The following CYP2J2 variants were observed in gnomAD, a reference collection of about 807,000 sequenced individuals.
CYP2J2 encodes cytochrome P450 family 2 subfamily J member 2.
Under a neutral mutation model 48.8 loss-of-function variants are expected in CYP2J2, and 41 were observed. That is an observed-to-expected ratio of 0.84 (90% CI 0.66 to 1.09). CYP2J2 has a LOEUF of 1.09. CYP2J2 is among the 50% of genes least tolerant of loss of function. CYP2J2 has a pLI of 0.00. For missense variants in CYP2J2, 644 were observed against 617.3 expected (o/e 1.04, Z -0.46); for synonymous variants, 221 against 227.1 (o/e 0.97, Z 0.24).
At chr1:59,903,943 G>T (rs982343399) in intron 7 of CYP2J2, among the ~76,000 whole-genome samples, 23 of 152,176 alleles carry the variant, frequency 1.5e-4, no homozygotes, top group African/African-American at 5.3e-4. Context: ...CTTACTCTGA[G>T]AATTGAATAA....
chr1:59,926,124 T>C (rs1644561531), intron 1 of CYP2J2, among the ~76,000 whole-genome samples: 2 of 152,134 alleles, frequency 1.3e-5, no homozygotes, highest in Admixed American at 1.3e-4. Context: ...AGGGCTCAGT[T>C]AGTGTAGTGG....
chr1:59,927,558 G>A (rs886691568), upstream of CYP2J2, among the ~76,000 whole-genome samples: 1 of 152,074 alleles, frequency 6.6e-6, no homozygotes, highest in Non-Finnish European at 1.5e-5. Flanking sequence ...ACTCAACATA[G>A]AGTCACATAT....
chr1:59,930,860 A>C (rs1472012737), upstream of CYP2J2, among the ~76,000 whole-genome samples: 1 of 152,188 alleles, frequency 6.6e-6, no homozygotes, highest in African/African-American at 2.4e-5. Flanking sequence ...GACCCTAGGC[A>C]GTAATTAGAC....
At chr1:59,903,082 G>A (rs1644334803) in intron 7 of CYP2J2, among the ~76,000 whole-genome samples, 1 of 152,168 alleles carries the variant, frequency 6.6e-6, no homozygotes. Context: ...AGCACCTGGG[G>A]AATTTAGACC....
chr1:59,963,485 G>A, the CYP2J2 span, among the ~76,000 whole-genome samples: 1 of 152,128 alleles, frequency 6.6e-6, no homozygotes, highest in Admixed American at 6.6e-5. Flanking sequence ...GCATAATGTT[G>A]ATGACATTCA....
chr1:59,920,357 A>C (rs1334934806), intron 1 of CYP2J2, among the ~76,000 whole-genome samples: 1 of 151,946 alleles, frequency 6.6e-6, no homozygotes, highest in Non-Finnish European at 1.5e-5. Flanking sequence ...TTATTTAAAG[A>C]GCACTGACCA....
the CYP2J2 span, among the ~76,000 whole-genome samples, chr1:59,957,040 A>G: frequency 6.6e-6 from 1 of 152,190 alleles, no homozygotes; most frequent in Admixed American, 6.5e-5. Flanking sequence ...GTTCCAGTAC[A>G]GTTTGACTAA....
chr1:59,946,584 A>G, the CYP2J2 span, among the ~76,000 whole-genome samples: 1 of 152,222 alleles, frequency 6.6e-6, no homozygotes, highest in South Asian at 2.1e-4. Context: ...TGATCGGTAC[A>G]CAGTAAATAT....
At chr1:59,928,943 A>C (rs571374177), upstream of CYP2J2, among the ~76,000 whole-genome samples, 6 of 152,380 alleles carry the variant, frequency 3.9e-5, no homozygotes, top group South Asian at 1.2e-3. Context: ...GTCTGGCCTC[A>C]AAGACTATTC....
the CYP2J2 span, among the ~76,000 whole-genome samples, chr1:59,964,093 T>A: frequency 6.6e-6 from 1 of 152,216 alleles, no homozygotes; most frequent in Non-Finnish European, 1.5e-5. Context: ...CCTCTTAATT[T>A]TTTTGACTTA....
Position 59,901,057 on chromosome 1 carries a change from G to C in CYP2J2, c.1238C>G (p.Thr413Arg), listed in dbSNP as rs1319796400. ...TNLTALHRDP[T>R]EWATPDTFNP... ...GAATGTGTCAGGGGTGGCCCACTCT[G>C]TGGGGTCCCTGTGCAGCGCCGTCAA... Residue 413 changes from threonine (T) to arginine (R), a missense_variant, in exon 8 of 9, where the codon ACA becomes AGA. Physicochemically the swap from Thr to Arg is moderately conservative, Grantham distance 71. Coordinates refer to ENST00000371204, the MANE Select transcript of CYP2J2 (RefSeq NM_000775.4). 2 of 1,614,042 alleles carry C rather than the reference G, an allele frequency of 1.2e-6. No individual in the cohort carries two copies. Among genetic ancestry groups the C allele is most frequent in the Admixed American group, 1.7e-5 (1 of 60,008 alleles).
At chr1:59,911,963 G>C (rs1251889572) in intron 3 of CYP2J2, among the ~76,000 whole-genome samples, 195 bp from the exon 4 acceptor site, 1 of 152,156 alleles carries the variant, frequency 6.6e-6, no homozygotes, top group East Asian at 1.9e-4. Flanking sequence ...GCGGACCAGG[G>C]CTTAAATTCA....
the CYP2J2 span, among the ~76,000 whole-genome samples, chr1:59,942,149 A>C: frequency 6.6e-6 from 1 of 152,176 alleles, no homozygotes; most frequent in Non-Finnish European, 1.5e-5. Context: ...TAAACCAATA[A>C]ACCAAAAATT....
chr1:59,934,962 TGATA>T, the CYP2J2 span, among the ~76,000 whole-genome samples: 2 of 125,332 alleles, frequency 1.6e-5, no homozygotes, highest in Non-Finnish European at 3.3e-5. Flanking sequence ...AAGTGCCTCC[TGATA>T]GATGAAGGTA....
rs1420103570 is a variant in CYP2J2 at position 59,907,853 on chromosome 1, T to G, written c.936A>C (p.Gly312=). The G allele has an allele frequency of 6.2e-7, 1 of 1,614,118 alleles. No homozygotes were observed. The highest frequency in any genetic ancestry group is 1.1e-5 in the South Asian group (1 of 91,078). Residue 312 remains glycine, a synonymous_variant, in exon 6 of 9, where the codon GGA becomes GGC. Coordinates refer to ENST00000371204, the MANE Select transcript of CYP2J2 (RefSeq NM_000775.4). ...ICSTLDLFFA[G]TETTSTTLRW... Reference sequence around the variant, plus strand: ...GCAGAGTTGTGGAAGTTGTCTCGGTTCCGGCAAAGAAGAGGTCCAGGGTGC... The same window carrying G: ...GCAGAGTTGTGGAAGTTGTCTCGGTGCCGGCAAAGAAGAGGTCCAGGGTGC...
At chr1:59,949,935 T>G in the CYP2J2 span, among the ~76,000 whole-genome samples, 1 of 152,136 alleles carries the variant, frequency 6.6e-6, no homozygotes, top group East Asian at 1.9e-4. Context: ...TGTTGGCATT[T>G]TTGGATGCTC....
At chr1:59,933,808 G>A in the CYP2J2 span, among the ~76,000 whole-genome samples, 6 of 152,060 alleles carry the variant, frequency 3.9e-5, no homozygotes, top group Non-Finnish European at 5.9e-5. Context: ...CCATATTACC[G>A]AAATTAATTT....
intron 8 of CYP2J2, among the ~76,000 whole-genome samples, chr1:59,900,589 A>G (rs1378363901): frequency 6.6e-6 from 1 of 152,186 alleles, no homozygotes. Context: ...AGCTGAGATC[A>G]TGGCATTGCA....
At chr1:59,900,833 G>T in intron 8 of CYP2J2, 132 bp downstream of exon 8, 1 of 1,034,990 alleles carries the variant, frequency 9.7e-7, no homozygotes, top group Non-Finnish European at 1.4e-6. Flanking sequence ...GCCCCCTACA[G>T]CAAGATGGAG....
Sources: allele counts gnomAD v4.1 joint callset (sites outside exome capture counted in the v4.1 genomes callset), GRCh38; gene constraint gnomAD v4.1.1; transcripts MANE v1.5; gene names NCBI Gene and HGNC (gene_info 2026-07-23, HGNC 2026-07-21).